ANK1: variants seen among roughly 807,000 people sequenced by gnomAD.
The protein encoded by ANK1 is ankyrin-1.
A neutral mutation model predicts 210.4 loss-of-function variants in ANK1; 51 were observed. That is an observed-to-expected ratio of 0.24 (90% CI 0.19 to 0.31). The LOEUF is 0.31. Ranked by LOEUF, ANK1 falls within the 10% of genes least tolerant of loss-of-function variation. The pLI is 1.00. For missense variants in ANK1, 2,051 were observed against 2,504.4 expected (o/e 0.82, Z 3.86); for synonymous variants, 967 against 1,025.9 (o/e 0.94, Z 1.10).
At chr8:41,711,931 CTT>C (rs201109622) in intron 16 of ANK1, among the ~76,000 whole-genome samples, 6 of 147,490 alleles carry the variant, frequency 4.1e-5, no homozygotes, top group Admixed American at 6.7e-5. Flanking sequence ...ATTAGGCCAT[CTT>C]TTTTTTTTTT....
chr8:41,758,181 A>G (rs781656728), intron 1 of ANK1, 44 bp from the exon 2 acceptor site: 1 of 1,558,608 alleles, frequency 6.4e-7, no homozygotes, highest in Admixed American at 1.7e-5. Context: ...GGGTGTATTA[A>G]TGACTTCTCC....
In ANK1 at chr8:41,814,407, A is replaced by G. The variant is rs564950814; in HGVS notation, c.127-56270T>C. Among the ~76,000 whole-genome samples, 7 of 151,746 alleles carry G rather than the reference A, an allele frequency of 4.6e-5. No individual in the cohort carries two copies. In the East Asian group the frequency reaches 1.4e-3, roughly 29 times the overall value. ...CTCCTGGGCTCATTCATTTGCATGT[A>G]ATTAGTTCTTATTCTGCTTCATGTT... On this transcript the variant is annotated intron_variant, in intron 1 of 42. Transcript: ENST00000265709.
chr8:41,703,370 A>G (rs948639292), intron 20 of ANK1, among the ~76,000 whole-genome samples: 2 of 134,956 alleles, frequency 1.5e-5, no homozygotes, highest in African/African-American at 2.8e-5. Context: ...TGTGGTATGT[A>G]TGTGTGTGTG....
chr8:41,842,279 T>C (rs1336333407), intron 1 of ANK1, among the ~76,000 whole-genome samples: 1 of 151,968 alleles, frequency 6.6e-6, no homozygotes, highest in African/African-American at 2.4e-5. Flanking sequence ...CATCATGAGG[T>C]CAGGAGTTCC....
chr8:41,777,473 G>C (rs1844309464), intron 1 of ANK1, among the ~76,000 whole-genome samples: 5 of 152,154 alleles, frequency 3.3e-5, no homozygotes, highest in African/African-American at 9.7e-5. Context: ...TACCCAGGAG[G>C]CTGAGGCAAG....
At chr8:41,847,996 C>A (rs1810390617) in intron 1 of ANK1, among the ~76,000 whole-genome samples, 1 of 151,922 alleles carries the variant, frequency 6.6e-6, no homozygotes, top group African/African-American at 2.4e-5. Flanking sequence ...ACCAGCCTGG[C>A]CAACATGGTA....
intron 26 of ANK1, among the ~76,000 whole-genome samples, chr8:41,695,828 A>T (rs577211): frequency 0.7 from 105,966 of 152,178 alleles, 37,144 homozygotes; most frequent in South Asian, 0.75. Flanking sequence ...TGTCCCCACA[A>T]CACACCCATG....
At chr8:41,660,267 C>T (rs1240533188) in intron 42 of ANK1, among the ~76,000 whole-genome samples, 1 of 152,140 alleles carries the variant, frequency 6.6e-6, no homozygotes, top group African/African-American at 2.4e-5. Flanking sequence ...CCAGAGTCAG[C>T]ACTTTTGGTG....
At chr8:41,779,886 G>A (rs1417087118) in intron 1 of ANK1, among the ~76,000 whole-genome samples, 1 of 152,186 alleles carries the variant, frequency 6.6e-6, no homozygotes, top group Non-Finnish European at 1.5e-5. Flanking sequence ...AGACGCCTGT[G>A]CAGCAACAAG....
At chr8:41,792,144 C>T (rs1847867207) in intron 1 of ANK1, among the ~76,000 whole-genome samples, 1 of 152,194 alleles carries the variant, frequency 6.6e-6, no homozygotes, top group African/African-American at 2.4e-5. Flanking sequence ...AGCCTCTGCT[C>T]AGAGAGCAGC....
chr8:41,778,635 C>G (rs142719714), intron 1 of ANK1, among the ~76,000 whole-genome samples: 4 of 152,130 alleles, frequency 2.6e-5, no homozygotes, highest in African/African-American at 9.7e-5. Flanking sequence ...AACATAAATA[C>G]GTCTATTGTA....
Position 41,661,413 on chromosome 8 carries a change from G to A in ANK1, c.*36+17C>T, listed in dbSNP as rs1808105997. ...GAAGACCAGGCCATGCAGAGGGGATGAGAAGGGCAGCGTTACCTCCCGAGA... is the reference window on the plus strand; with the variant it reads ...GAAGACCAGGCCATGCAGAGGGGATAAGAAGGGCAGCGTTACCTCCCGAGA... On this transcript the variant is annotated intron_variant, in intron 42 of 42. Coordinates refer to ENST00000289734, the MANE Select transcript of ANK1 (RefSeq NM_000037.4). The A allele has an allele frequency of 6.2e-7, 1 of 1,613,420 alleles. No homozygotes were observed. Among genetic ancestry groups the A allele is most frequent in the Non-Finnish European group, 8.5e-7 (1 of 1,179,972 alleles).
chr8:41,671,372 T>C (rs1392563447), intron 38 of ANK1, among the ~76,000 whole-genome samples: 1 of 152,068 alleles, frequency 6.6e-6, no homozygotes, highest in African/African-American at 2.4e-5. Flanking sequence ...CTAAATATGG[T>C]CTTCAACTAA....
chr8:41,755,648 G>T (rs1838952192), intron 2 of ANK1, among the ~76,000 whole-genome samples: 2 of 152,190 alleles, frequency 1.3e-5, no homozygotes, highest in South Asian at 4.1e-4. Context: ...AGCTGCTTCT[G>T]GAGGTGCAGT....
chr8:41,671,622 C>T (rs955119466), intron 38 of ANK1, among the ~76,000 whole-genome samples: 1 of 150,522 alleles, frequency 6.6e-6, no homozygotes, highest in Non-Finnish European at 1.5e-5. Flanking sequence ...TGAGACCTCC[C>T]GGCACCCCGA....
Position 41,715,687 on chromosome 8 carries a change from G to A in ANK1, c.1567C>T (p.Leu523=). The A allele has an allele frequency of 6.2e-7, 1 of 1,613,952 alleles. No homozygotes were observed. ...EGHVETVLAL[L]EKEASQACMT... The stretch of plus-strand genomic sequence containing the variant: ...CAGGCCTGGGATGCTTCCTTTTCCA[G>A]AAGGGCCAGGACTGTTTCCACATGG... The change falls in exon 14 of 43, where the codon CTG becomes TTG. Residue 523 remains leucine (L), a synonymous_variant. Transcript: ENST00000289734.
intron 1 of ANK1, among the ~76,000 whole-genome samples, chr8:41,793,888 T>C (rs1482909589): frequency 6.6e-6 from 1 of 152,090 alleles, no homozygotes; most frequent in African/African-American, 2.4e-5. Context: ...AATAGGAACG[T>C]GTAAGAGAGA....
intron 5 of ANK1, 108 bp from the exon 6 acceptor site, chr8:41,726,054 G>A: frequency 7.8e-7 from 1 of 1,279,954 alleles, no homozygotes; most frequent in East Asian, 2.5e-5. Flanking sequence ...GCCCCAGCCT[G>A]AGGGACCTAC....
At chr8:41,887,156 G>A (rs1587628696) in intron 1 of ANK1, among the ~76,000 whole-genome samples, 1 of 151,992 alleles carries the variant, frequency 6.6e-6, no homozygotes, top group South Asian at 2.1e-4. Flanking sequence ...TCTTAGACAG[G>A]TGGGGCGTCC....
Sources: allele counts gnomAD v4.1 joint callset (sites outside exome capture counted in the v4.1 genomes callset), GRCh38; gene constraint gnomAD v4.1.1; transcripts MANE v1.5; gene names NCBI Gene and HGNC (gene_info 2026-07-23, HGNC 2026-07-21).